TP53BP2: variants seen among roughly 807,000 people sequenced by gnomAD.
TP53BP2 encodes the protein apoptosis-stimulating of p53 protein 2.
In TP53BP2, 62 loss-of-function variants were observed where a neutral mutation model predicts 126.2. The observed-to-expected ratio is 0.49, with a 90% confidence interval of 0.40 to 0.61. The LOEUF is 0.61. Among genes scored for constraint, TP53BP2 ranks in the 20% least tolerant of loss-of-function variants. The pLI is 0.00. For synonymous variants in TP53BP2, 485 were observed against 502.9 expected, an observed-to-expected ratio of 0.96 and a Z score of 0.48; for missense variants, 1,215 against 1,402.8, an observed-to-expected ratio of 0.87 and a Z score of 2.14.
At chr1:223,845,517 C>T (rs2102898299) in intron 1 of TP53BP2, 137 bp downstream of exon 1, 2 of 989,210 alleles carry the variant, frequency 2.0e-6, no homozygotes, top group East Asian at 3.4e-5. Flanking sequence ...CCGCTCGAAG[C>T]TCGGAAAGCC....
At chr1:223,821,092 T>G (rs1381468800) in intron 2 of TP53BP2, 128 bp downstream of exon 2, 3 of 1,201,196 alleles carry the variant, frequency 2.5e-6, no homozygotes, top group Non-Finnish European at 2.3e-6. Flanking sequence ...GGAACACTAT[T>G]TCTGCCGGAC....
chr1:223,808,780 G>T (rs1459274881), intron 4 of TP53BP2, among the ~76,000 whole-genome samples: 1 of 146,978 alleles, frequency 6.8e-6, no homozygotes, highest in Non-Finnish European at 1.5e-5. Context: ...CAAACTCAGT[G>T]AGAGAGCAAA....
chr1:223,821,524 G>A, intron 1 of TP53BP2, 157 bp from the exon 2 acceptor site: 2 of 975,548 alleles, frequency 2.1e-6, no homozygotes, highest in Admixed American at 3.4e-5. Flanking sequence ...TGTGGACTGG[G>A]GGTTGAGGGA....
At chr1:223,828,566 A>G (rs936014944) in intron 1 of TP53BP2, among the ~76,000 whole-genome samples, 5 of 152,208 alleles carry the variant, frequency 3.3e-5, no homozygotes, top group African/African-American at 1.2e-4. Flanking sequence ...TCTTGCCTCA[A>G]ATTTAGTCAG....
chr1:223,812,404 C>CG (rs1208211617), intron 3 of TP53BP2, among the ~76,000 whole-genome samples: 7 of 152,056 alleles, frequency 4.6e-5, no homozygotes, highest in African/African-American at 1.4e-4. Context: ...TTTTTGGAGA[C>CG]GGAGTCTCGC....
In TP53BP2 at chr1:223,798,681, T is replaced by C. The variant is rs535172288; in HGVS notation, c.1486-4A>G. ...TAGCCACATTTTTATTTGCAACCTA[T>C]AACACACACATAAAAAGCCAGTTAA... is the stretch of plus-strand genomic sequence containing the variant. On this transcript the variant is annotated splice_polypyrimidine_tract_variant and splice_region_variant and intron_variant, in intron 11 of 17. Transcript: ENST00000343537. 1.9e-4 allele frequency: 299 copies of C among 1,587,614 alleles called. 2 individuals carry two copies. Among genetic ancestry groups the C allele is most frequent in the Admixed American group, 8.5e-4 (48 of 56,648 alleles).
intron 2 of TP53BP2, among the ~76,000 whole-genome samples, chr1:223,817,490 G>C (rs1258109386): frequency 6.6e-6 from 1 of 152,136 alleles, no homozygotes. Flanking sequence ...CCACCCCCTA[G>C]AGAAATGCTT....
chr1:223,823,132 C>T lies in TP53BP2; in HGVS notation c.28-1765G>A, dbSNP rs76584168. On this transcript the variant is annotated intron_variant, in intron 1 of 17. Transcript: ENST00000343537. ...AAAAAGCAGAATAAGTAGGATATAC[C>T]CTATGACCACAATGACAGGAGGACA... Among the ~76,000 whole-genome samples, 1,198 of 152,018 alleles carry T rather than the reference C, an allele frequency of 7.9e-3. 6 individuals are homozygous for T. Among genetic ancestry groups the T allele is most frequent in the Non-Finnish European group, 0.012 (836 of 67,966 alleles).
chr1:223,780,598 T>C lies in TP53BP2; in HGVS notation c.*255A>G, dbSNP rs978387667. ...AGAAAACAGGATTGTCGCTGTATACTTATCTGAGTGCTACACGGGACACCT... is the reference window on the plus strand; with the variant it reads ...AGAAAACAGGATTGTCGCTGTATACCTATCTGAGTGCTACACGGGACACCT... On this transcript the variant is annotated 3_prime_UTR_variant, in exon 18 of 18. Coordinates refer to ENST00000343537, the MANE Select transcript of TP53BP2 (RefSeq NM_001031685.3). The C allele has an allele frequency of 4.4e-5, 20 of 456,060 alleles. No individual in the cohort carries two copies. Among genetic ancestry groups the C allele is most frequent in the African/African-American group, 3.8e-4 (19 of 50,244 alleles). The allele number at this position is 456,060 out of a possible 1,614,324, so 28.3% of individuals were successfully genotyped here.
intron 3 of TP53BP2, 72 bp from the exon 4 acceptor site, chr1:223,810,585 G>A: frequency 9.5e-7 from 1 of 1,053,438 alleles, no homozygotes. Context: ...GTTCATTTCT[G>A]AGTTCTGTCA....
At chr1:223,817,307 AAGG>A (rs1663122499) in intron 2 of TP53BP2, among the ~76,000 whole-genome samples, 1 of 26,412 alleles carries the variant, frequency 3.8e-5, no homozygotes, top group Admixed American at 4.1e-4. Context: ...GGGGGAGGGA[AAGG>A]AGGAGGGGGA....
intron 1 of TP53BP2, among the ~76,000 whole-genome samples, chr1:223,826,573 T>C (rs1231713863): frequency 1.3e-5 from 2 of 152,206 alleles, no homozygotes; most frequent in Non-Finnish European, 2.9e-5. Context: ...GGTACAGGGC[T>C]ACTTTTTGGG....
At position 223,793,825 on chromosome 1, in the gene TP53BP2, C is replaced by T. The variant is rs117919991; in HGVS notation, c.2725-385G>A. On this transcript the variant is annotated intron_variant, in intron 13 of 17. Coordinates refer to ENST00000343537, the MANE Select transcript of TP53BP2 (RefSeq NM_001031685.3). ...TTTAGACTGCCTATCTAATACAGTA[C>T]AGCAAACTCCACTCTCTTAAAGTGA... Among the ~76,000 whole-genome samples, 123 of 152,278 alleles carry T rather than the reference C, an allele frequency of 8.1e-4. 1 individual carries two copies. In the East Asian group the frequency reaches 0.02, roughly 25 times the overall value.
At chr1:223,807,622 A>C (rs920645842) in intron 4 of TP53BP2, among the ~76,000 whole-genome samples, 2 of 152,152 alleles carry the variant, frequency 1.3e-5, no homozygotes, top group Non-Finnish European at 2.9e-5. Context: ...TTAAAAAAAA[A>C]AAAATCAATA....
chr1:223,807,012 C>A (rs1451526065), intron 4 of TP53BP2, 65 bp from the exon 5 acceptor site: 6 of 1,240,340 alleles, frequency 4.8e-6, no homozygotes, highest in Non-Finnish European at 7.0e-6. Flanking sequence ...GAGATTCCGC[C>A]CTCAAAGGTC....
chr1:223,803,289 G>A lies in TP53BP2; in HGVS notation c.813C>T (p.Arg271=), dbSNP rs1393992727. 29 of 1,611,850 alleles carry A rather than the reference G, an allele frequency of 1.8e-5. No homozygotes were observed. The highest frequency in any genetic ancestry group is 2.2e-5 in the Non-Finnish European group (26 of 1,179,454). ...GGTCTACCTGCAGCTCCTTATAGAG[G>A]CGATCAAGCTCAGCCACTGCAGACT... ...DNQSAVAELD[R]LYKELQLRNK... is the part of the protein sequence containing the mutation. The change falls in exon 7 of 18, where the codon CGC becomes CGT. Residue 271 remains arginine, a synonymous_variant. Transcript: ENST00000343537.
chr1:223,819,829 T>C (rs1028371812), intron 2 of TP53BP2, among the ~76,000 whole-genome samples: 2 of 152,188 alleles, frequency 1.3e-5, no homozygotes, highest in Non-Finnish European at 2.9e-5. Flanking sequence ...CAAATATTTC[T>C]ACAGCATCTA....
Position 223,780,615 on chromosome 1 carries a change from G to T in TP53BP2, c.*238C>A. ...CTGTATACTTATCTGAGTGCTACAC[G>T]GGACACCTTTGCCCCAACACAGTAT... On this transcript the variant is annotated 3_prime_UTR_variant, in exon 18 of 18. Transcript: ENST00000343537. 1 of 516,598 alleles carries T rather than the reference G, an allele frequency of 1.9e-6. No individual in the cohort carries two copies. The highest frequency in any genetic ancestry group is 3.5e-6 in the Non-Finnish European group (1 of 289,738). 32.0% of individuals were successfully genotyped at this position (516,598 alleles called of 1,614,324 possible).
chr1:223,793,508 A>C (rs542615784), intron 13 of TP53BP2, 68 bp from the exon 14 acceptor site: 160 of 1,413,186 alleles, frequency 1.1e-4, no homozygotes, highest in Admixed American at 3.3e-4. Flanking sequence ...AGCAAATGGG[A>C]AGGAATGACT....
Sources: gnomAD v4.1 joint callset for allele counts (sites outside exome capture counted in the v4.1 genomes callset) on GRCh38, gnomAD v4.1.1 for gene constraint, MANE v1.5 for transcripts, NCBI Gene and HGNC (gene_info 2026-07-23, HGNC 2026-07-21) for gene names.